Variants in HDAC9 observed in about 807,000 individuals in gnomAD.
HDAC9 encodes the protein MEF-2 interacting transcription repressor (MITR) protein.
HDAC9 carries 41 observed loss-of-function variants against 139.4 expected under a neutral mutation model. The ratio of observed to expected loss-of-function variants is 0.29; its 90% CI spans 0.23 to 0.38. HDAC9 has a LOEUF of 0.38. HDAC9 is among the 10% of genes least tolerant of loss of function. HDAC9 has a pLI of 1.00. For synonymous variants in HDAC9, 517 were observed against 476.2 expected (o/e 1.09, Z -1.12); for missense variants, 1,147 against 1,297.0 (o/e 0.88, Z 1.78).
intron 11 of HDAC9, among the ~76,000 whole-genome samples, chr7:18,652,559 T>C (rs1164869941): frequency 6.6e-6 from 1 of 151,780 alleles, no homozygotes; most frequent in African/African-American, 2.4e-5. Context: ...CAAAATCTCT[T>C]TAGGCATTTT....
At chr7:18,957,556 G>T (rs940857232) in intron 24 of HDAC9, among the ~76,000 whole-genome samples, 4 of 152,078 alleles carry the variant, frequency 2.6e-5, no homozygotes, top group African/African-American at 7.2e-5. Flanking sequence ...GTAGGGACAG[G>T]TTACTTATTT....
intron 22 of HDAC9, among the ~76,000 whole-genome samples, chr7:18,903,888 T>C (rs1187579121): frequency 6.6e-6 from 1 of 152,210 alleles, no homozygotes; most frequent in Non-Finnish European, 1.5e-5. Context: ...GTCACTTTAA[T>C]GTTCCAAATG....
chr7:18,338,138 A>C (rs1371027771), intron 1 of HDAC9, among the ~76,000 whole-genome samples: 1 of 151,740 alleles, frequency 6.6e-6, no homozygotes, highest in African/African-American at 2.4e-5. Context: ...TCTTTAAGAT[A>C]ATTCACATTT....
chr7:18,657,715 T>G (rs2129053177), intron 11 of HDAC9, among the ~76,000 whole-genome samples: 1 of 152,324 alleles, frequency 6.6e-6, no homozygotes, highest in Admixed American at 6.5e-5. Flanking sequence ...TCAGTCTTCC[T>G]CTTTCTACTT....
chr7:18,770,672 C>T (rs1790212403), intron 16 of HDAC9, among the ~76,000 whole-genome samples: 1 of 152,188 alleles, frequency 6.6e-6, no homozygotes, highest in African/African-American at 2.4e-5. Context: ...CATAATTCCC[C>T]TGATACACTT....
intron 2 of HDAC9, among the ~76,000 whole-genome samples, chr7:18,510,188 G>A (rs1397342101): frequency 2.0e-5 from 3 of 152,138 alleles, no homozygotes; most frequent in Non-Finnish European, 2.9e-5. Context: ...CTTTAACAAT[G>A]TGTGTATGAC....
intron 16 of HDAC9, among the ~76,000 whole-genome samples, chr7:18,787,174 A>C (rs1791894969): frequency 6.6e-6 from 1 of 152,050 alleles, no homozygotes; most frequent in Non-Finnish European, 1.5e-5. Context: ...AATCTCAATG[A>C]GAGATTCTGT....
chr7:18,392,273 A>ACT lies in HDAC9; in HGVS notation c.-42+101773_-42+101774dup, dbSNP rs1169041782. On this transcript the variant is annotated intron_variant, in intron 1 of 3. Transcript: ENST00000413509. ...TTCTCTTTCTATCTCTGTCTCTGTC[A>ACT]CTCTCTCTCTCTCTCTGTCTCTCTC... Among the ~76,000 whole-genome samples the ACT allele has an allele frequency of 5.3e-3, 347 of 65,746 alleles. 2 individuals are homozygous for ACT. Among genetic ancestry groups the ACT allele is most frequent in the Non-Finnish European group, 9.5e-3 (284 of 29,788 alleles). 43.1% of individuals were successfully genotyped at this position (65,746 alleles called of 152,430 possible). A position where few individuals can be genotyped will look rare whatever the true frequency, so the allele number is the denominator to read the frequency against.
chr7:18,519,198 A>C (rs2128209909), intron 2 of HDAC9, among the ~76,000 whole-genome samples: 1 of 152,342 alleles, frequency 6.6e-6, no homozygotes, highest in East Asian at 1.9e-4. Context: ...ATGTGATGTC[A>C]TCACAACTCA....
intron 1 of HDAC9, among the ~76,000 whole-genome samples, chr7:18,150,521 T>C (rs920336028): frequency 6.6e-6 from 1 of 152,186 alleles, no homozygotes; most frequent in Admixed American, 6.5e-5. Flanking sequence ...ATAAAAATAA[T>C]AACTGGACAT....
At chr7:18,478,901 A>T (rs78066519) in intron 1 of HDAC9, among the ~76,000 whole-genome samples, 2,152 of 152,242 alleles carry the variant, frequency 0.014, 45 homozygotes, top group African/African-American at 0.049. Context: ...AACATATTTC[A>T]TATGTGGATT....
chr7:18,938,111 C>T (rs531624512), intron 23 of HDAC9, among the ~76,000 whole-genome samples: 1 of 151,344 alleles, frequency 6.6e-6, no homozygotes, highest in South Asian at 2.1e-4. Flanking sequence ...AGTACACGTG[C>T]TTTTCGTGGA....
chr7:18,604,467 C>T lies in HDAC9; in HGVS notation c.664+10438C>T, dbSNP rs12055896. On this transcript the variant is annotated intron_variant, in intron 6 of 25. Transcript: ENST00000686413. ...TGTCGCCCAGGCTGGAGTGCAGTGGCGTGATCTTGGCTCACTGCAAGCTCT... is the reference window on the plus strand; with the variant it reads ...TGTCGCCCAGGCTGGAGTGCAGTGGTGTGATCTTGGCTCACTGCAAGCTCT... 0.011 allele frequency among the ~76,000 whole-genome samples: 1,636 copies of T among 151,084 alleles called. 106 individuals carry two copies. The East Asian group carries it at 0.2, about 18-fold the overall frequency.
At chr7:18,652,789 GTAGT>G (rs1789731551) in intron 11 of HDAC9, among the ~76,000 whole-genome samples, 2 of 152,124 alleles carry the variant, frequency 1.3e-5, no homozygotes, top group South Asian at 4.2e-4. Context: ...ACTTTGTTTA[GTAGT>G]TACTTTAATG....
At chr7:18,956,720 C>T (rs776071531) in intron 24 of HDAC9, among the ~76,000 whole-genome samples, 1 of 152,158 alleles carries the variant, frequency 6.6e-6, no homozygotes, top group Non-Finnish European at 1.5e-5. Flanking sequence ...GGGGGAAGTT[C>T]AACTTAGCTC....
intron 13 of HDAC9, among the ~76,000 whole-genome samples, chr7:18,748,402 C>G (rs1788163829): frequency 2.0e-5 from 3 of 152,266 alleles, no homozygotes; most frequent in South Asian, 4.1e-4. Flanking sequence ...ATTATAAGAT[C>G]TACAACATCC....
intron 2 of HDAC9, among the ~76,000 whole-genome samples, chr7:18,217,352 C>A (rs1194277674): frequency 6.6e-6 from 1 of 151,944 alleles, no homozygotes; most frequent in Non-Finnish European, 1.5e-5. Context: ...ATACTTTTGG[C>A]TTTATTTACT....
At chr7:18,329,150 TCTC>T (rs1800701799) in intron 1 of HDAC9, among the ~76,000 whole-genome samples, 1 of 151,856 alleles carries the variant, frequency 6.6e-6, no homozygotes, top group Non-Finnish European at 1.5e-5. Context: ...AGTTGTAACA[TCTC>T]CTTTTTCATT....
At chr7:18,283,729 A>G (rs1336709051) in intron 2 of HDAC9, among the ~76,000 whole-genome samples, 1 of 152,202 alleles carries the variant, frequency 6.6e-6, no homozygotes, top group East Asian at 1.9e-4. Context: ...TTACTGAGTC[A>G]TTGACTTTTT....
Sources: gnomAD v4.1 joint callset for allele counts (sites outside exome capture counted in the v4.1 genomes callset) on GRCh38, gnomAD v4.1.1 for gene constraint, MANE v1.5 for transcripts, NCBI Gene and HGNC (gene_info 2026-07-23, HGNC 2026-07-21) for gene names.